The following DECR1 variants were observed in gnomAD, a reference collection of about 807,000 sequenced individuals.
DECR1 encodes the protein 2,4-dienoyl-CoA reductase 1, also known as 2,4-dienoyl-CoA reductase [(3E)-enoyl-CoA-producing], mitochondrial.
DECR1 carries 44 observed loss-of-function variants against 38.8 expected under a neutral mutation model. The ratio of observed to expected loss-of-function variants is 1.13; its 90% CI spans 0.89 to 1.46. DECR1 has a LOEUF of 1.46. DECR1 is among the 40% of genes most tolerant of loss of function. The pLI is 0.00. For synonymous variants in DECR1, 148 were observed against 135.2 expected, an observed-to-expected ratio of 1.09 and a Z score of -0.66; for missense variants, 428 against 405.5, an observed-to-expected ratio of 1.06 and a Z score of -0.48.
At chr8:90,031,445 C>T (rs985803229) in intron 5 of DECR1, among the ~76,000 whole-genome samples, 2 of 152,240 alleles carry the variant, frequency 1.3e-5, no homozygotes, top group Middle Eastern at 3.4e-3. Context: ...GATATCCCTT[C>T]TTACTATAAT....
chr8:90,021,521 A>G (rs1813164401), intron 5 of DECR1, among the ~76,000 whole-genome samples: 1 of 152,228 alleles, frequency 6.6e-6, no homozygotes, highest in Non-Finnish European at 1.5e-5. Flanking sequence ...AGTTCTCAAT[A>G]CCAAAATAAG....
intron 1 of DECR1, chr8:90,005,598 C>T: frequency 2.7e-6 from 1 of 372,546 alleles, no homozygotes; most frequent in Non-Finnish European, 5.2e-6. Context: ...GCAGCTGGCT[C>T]CCAAAAGGAA....
At chr8:90,047,549 C>G (rs1180812231) in intron 8 of DECR1, among the ~76,000 whole-genome samples, 1 of 152,142 alleles carries the variant, frequency 6.6e-6, no homozygotes, top group Non-Finnish European at 1.5e-5. Context: ...CCTTAGAGAC[C>G]TACAAAGAGA....
At chr8:90,007,796 T>C (rs763243884) in intron 1 of DECR1, among the ~76,000 whole-genome samples, 57 of 152,236 alleles carry the variant, frequency 3.7e-4, no homozygotes, top group Non-Finnish European at 6.2e-4. Flanking sequence ...TAGCAACTTT[T>C]AGTTTTTGCA....
rs1038157293 is a variant in DECR1 at position 90,005,376 on chromosome 8, T to C, written c.69+3815T>C. On this transcript the variant is annotated intron_variant, in intron 1 of 9. Coordinates refer to ENST00000220764, the MANE Select transcript of DECR1 (RefSeq NM_001359.2). The stretch of plus-strand genomic sequence containing the variant: ...AGAGTCCAATGGCATTATGGTATGA[T>C]GTGCCGCATGTTAGGTTGGGTGTTC... The C allele has an allele frequency of 3.5e-5, 16 of 456,214 alleles. No individual in the cohort carries two copies. In the Admixed American group the frequency reaches 3.8e-4, roughly 11 times the overall value. 28.3% of individuals were successfully genotyped at this position (456,214 alleles called of 1,614,324 possible). A position where few individuals can be genotyped will look rare whatever the true frequency, so the allele number is the denominator to read the frequency against.
Position 90,017,330 on chromosome 8 carries a change from A to C in DECR1, c.272+4A>C. 6.2e-7 allele frequency: 1 copy of C among 1,612,734 alleles called. No individual in the cohort carries two copies. The highest frequency in any genetic ancestry group is 8.5e-7 in the Non-Finnish European group (1 of 1,179,282). On this transcript the variant is annotated splice_donor_region_variant and intron_variant, in intron 2 of 9. Coordinates refer to ENST00000220764, the MANE Select transcript of DECR1 (RefSeq NM_001359.2). ...CTCAGTGCGTGATAGCCAGCCGGTA[A>C]GTCCCTTACATCAAGCCTATTGGCG...
chr8:90,042,100 A>C (rs1416309968), intron 6 of DECR1, among the ~76,000 whole-genome samples: 1 of 152,162 alleles, frequency 6.6e-6, no homozygotes, highest in African/African-American at 2.4e-5. Flanking sequence ...CAGGACATTA[A>C]GCAAGATTTT....
intron 5 of DECR1, chr8:90,030,511 A>G (rs1448512992): frequency 6.6e-6 from 1 of 152,192 alleles, no homozygotes; most frequent in Non-Finnish European, 1.5e-5. Flanking sequence ...CATTTTGGAG[A>G]CCTGCAAAAG....
intron 4 of DECR1, among the ~76,000 whole-genome samples, chr8:90,020,026 AT>A (rs1030742981): frequency 2.6e-5 from 4 of 152,238 alleles, no homozygotes; most frequent in African/African-American, 9.6e-5. Flanking sequence ...GAGGAGAACG[AT>A]ATAAACATGA....
intron 5 of DECR1, among the ~76,000 whole-genome samples, chr8:90,024,487 C>T (rs1813273157): frequency 1.3e-5 from 2 of 152,274 alleles, no homozygotes; most frequent in African/African-American, 4.8e-5. Context: ...AGCATTTTTT[C>T]ATGTGTCTGT....
chr8:90,048,286 T>C (rs182512327), intron 8 of DECR1, among the ~76,000 whole-genome samples: 6,505 of 151,900 alleles, frequency 0.043, 282 homozygotes, highest in East Asian at 0.2. Flanking sequence ...GATAGACCGC[T>C]AGCAAGACTA....
intron 8 of DECR1, among the ~76,000 whole-genome samples, chr8:90,046,186 G>A (rs1325024321): frequency 6.6e-6 from 1 of 152,246 alleles, no homozygotes; most frequent in Non-Finnish European, 1.5e-5. Flanking sequence ...GACGGAGAAT[G>A]ACTTTGACGA....
In DECR1 at chr8:90,053,189, G is replaced by GTAT. The variant is rs1814138085; in HGVS notation, c.*1295_*1297dup. 6.6e-6 allele frequency among the ~76,000 whole-genome samples: 1 copy of GTAT among 151,992 alleles called. No individual in the cohort carries two copies. The highest frequency in any genetic ancestry group is 6.6e-5 in the Admixed American group (1 of 15,262). ...ATTTTACCTTTAGTACTAATCCTGT[G>GTAT]TATTAGTCTGTTCTCATGCTGCTAA... On this transcript the variant is annotated 3_prime_UTR_variant, in exon 10 of 10. Coordinates refer to ENST00000220764, the MANE Select transcript of DECR1 (RefSeq NM_001359.2).
At chr8:90,005,131 T>A (rs1441951989) in intron 1 of DECR1, among the ~76,000 whole-genome samples, 1 of 152,170 alleles carries the variant, frequency 6.6e-6, no homozygotes, top group Non-Finnish European at 1.5e-5. Flanking sequence ...AAAGAGTGGC[T>A]TATTTATAAA....
intron 1 of DECR1, chr8:90,015,589 C>T (rs1225552253): frequency 4.4e-6 from 2 of 451,922 alleles, no homozygotes; most frequent in South Asian, 1.6e-5. Context: ...CTTATTCTTT[C>T]CTGAGGATAA....
chr8:90,011,473 C>T (rs1257212617), intron 1 of DECR1, among the ~76,000 whole-genome samples: 1 of 152,060 alleles, frequency 6.6e-6, no homozygotes, highest in African/African-American at 2.4e-5. Context: ...ATAAGCTTGT[C>T]GACGTTCACA....
intron 1 of DECR1, among the ~76,000 whole-genome samples, chr8:90,007,124 T>A (rs1260375049): frequency 2.6e-5 from 4 of 152,046 alleles, no homozygotes; most frequent in African/African-American, 9.7e-5. Context: ...TGTTGGGTGA[T>A]GATAGGGAGC....
chr8:90,048,884 C>T (rs1813987982), intron 8 of DECR1, among the ~76,000 whole-genome samples: 1 of 152,290 alleles, frequency 6.6e-6, no homozygotes, highest in East Asian at 1.9e-4. Flanking sequence ...GCTGGTTCAA[C>T]ATACCCAAAT....
chr8:90,035,216 T>C (rs564972418), intron 5 of DECR1, among the ~76,000 whole-genome samples: 1 of 152,294 alleles, frequency 6.6e-6, no homozygotes, highest in Admixed American at 6.5e-5. Context: ...TTATCCTGCT[T>C]GGGATTCATT....
Sources: gnomAD v4.1 joint callset for allele counts (sites outside exome capture counted in the v4.1 genomes callset) on GRCh38, gnomAD v4.1.1 for gene constraint, MANE v1.5 for transcripts, NCBI Gene and HGNC (gene_info 2026-07-23, HGNC 2026-07-21) for gene names.